The following TMEM63B variants were observed in gnomAD, a reference collection of about 807,000 sequenced individuals.
TMEM63B encodes transmembrane protein 63B, also known as mechanosensitive cation channel TMEM63B.
In TMEM63B, 23 loss-of-function variants were observed where a neutral mutation model predicts 102.6. The ratio of observed to expected loss-of-function variants is 0.22; its 90% confidence interval spans 0.16 to 0.32. The LOEUF (loss-of-function observed/expected upper bound fraction) is 0.32, where lower values mean the gene tolerates loss of function less well. TMEM63B is among the 10% of genes least tolerant of loss of function. TMEM63B has a pLI of 1.00. For synonymous variants in TMEM63B, 444 were observed against 437.0 expected (o/e 1.02, Z -0.20); for missense variants, 628 against 1,095.9 (o/e 0.57, Z 6.03).
At chr6:44,141,325 T>G (rs1341799449) in intron 10 of TMEM63B, among the ~76,000 whole-genome samples, 1 of 152,128 alleles carries the variant, frequency 6.6e-6, no homozygotes, top group Non-Finnish European at 1.5e-5. Context: ...AGTGAGTCAT[T>G]CAAACCCCCT....
chr6:44,139,882 C>T (rs1763879449), intron 8 of TMEM63B, 123 bp downstream of exon 8: 1 of 1,232,646 alleles, frequency 8.1e-7, no homozygotes, highest in South Asian at 1.2e-5. Context: ...GCTATGGGTC[C>T]CTGAGGGCTT....
rs1315278607 is a variant in TMEM63B at position 44,139,754 on chromosome 6, A to G, written c.597A>G (p.Lys199=). The G allele has an allele frequency of 6.2e-7, 1 of 1,614,184 alleles. No individual in the cohort carries two copies. The highest frequency in any genetic ancestry group is 2.2e-5 in the East Asian group (1 of 44,884). Residue 199 remains lysine, a synonymous_variant, in exon 8 of 24, where the codon AAA becomes AAG. Coordinates refer to ENST00000323267, the MANE Select transcript of TMEM63B (RefSeq NM_018426.3). ...GGAGAACCACCATTGCCAACTTGAA[A>G]TCAGGGTAAGATGCGAAGCTGGTCG... ...SFGRTTIANL[K]SGNNLLWLHT...
In TMEM63B at chr6:44,134,566, C is replaced by G. The variant is rs1762564041; in HGVS notation, c.-19C>G. On this transcript the variant is annotated 5_prime_UTR_variant, in exon 2 of 24. Coordinates refer to ENST00000323267, the MANE Select transcript of TMEM63B (RefSeq NM_018426.3). ...CTGCTCCACCCTCTGCCCAGGAGGA[C>G]CATGCGGCAGTAGCAGCCATGCTGC... is the stretch of plus-strand genomic sequence containing the variant. The G allele has an allele frequency of 1.9e-6, 3 of 1,612,752 alleles. No individual in the cohort carries two copies. The highest frequency in any genetic ancestry group is 2.5e-6 in the Non-Finnish European group (3 of 1,179,250).
At chr6:44,141,427 A>G (rs1370321644) in intron 10 of TMEM63B, among the ~76,000 whole-genome samples, 1 of 152,200 alleles carries the variant, frequency 6.6e-6, no homozygotes, top group Non-Finnish European at 1.5e-5. Flanking sequence ...TAAAAGCAGC[A>G]TTCTGGAGTT....
chr6:44,154,615 G>A lies in TMEM63B; in HGVS notation c.2308-77G>A, dbSNP rs1322292703. 3 of 1,495,994 alleles carry A rather than the reference G, an allele frequency of 2.0e-6. No homozygotes were observed. In the African/African-American group the frequency reaches 4.2e-5, roughly 21 times the overall value. 92.7% of individuals were successfully genotyped at this position (1,495,994 alleles called of 1,614,324 possible). On this transcript the variant is annotated intron_variant, in intron 23 of 23. Coordinates refer to ENST00000323267, the MANE Select transcript of TMEM63B (RefSeq NM_018426.3). ...CCCCCAGGGCCCTGCCCACTCTGCT[G>A]TCCTACATGCCCTGGTGTTCCCGCA...
intron 2 of TMEM63B, 102 bp downstream of exon 2, chr6:44,134,845 G>T: frequency 3.3e-6 from 5 of 1,529,242 alleles, no homozygotes; most frequent in Non-Finnish European, 4.4e-6. Flanking sequence ...CGGTTTCCCA[G>T]GCTTAAGCAG....
intron 10 of TMEM63B, among the ~76,000 whole-genome samples, chr6:44,145,274 CAAA>C (rs34315211): frequency 4.7e-5 from 5 of 105,742 alleles, no homozygotes; most frequent in Admixed American, 1.0e-4. Flanking sequence ...GACTCCGCCT[CAAA>C]AAAAAAAAAA....
chr6:44,134,928 A>T, intron 2 of TMEM63B, 89 bp from the exon 3 acceptor site: 3 of 1,545,238 alleles, frequency 1.9e-6, no homozygotes, highest in Non-Finnish European at 2.7e-6. Context: ...CCCTTCTAAG[A>T]CAAGATTTTG....
intron 6 of TMEM63B, among the ~76,000 whole-genome samples, chr6:44,139,189 C>G (rs967823876): frequency 1.3e-5 from 2 of 152,068 alleles, no homozygotes; most frequent in Non-Finnish European, 2.9e-5. Context: ...GCAGTCTCTT[C>G]TTTCTTTTAC....
Position 44,152,320 on chromosome 6 carries a change from C to T in TMEM63B, c.1837-273C>T, listed in dbSNP as rs1373211052. The stretch of plus-strand genomic sequence containing the variant: ...AAGAGGGCTCTGGGCATCCCACTCT[C>T]AAGTCCACCCAACTCTTGCCCCCTA... On this transcript the variant is annotated intron_variant, in intron 19 of 23. Coordinates refer to ENST00000323267, the MANE Select transcript of TMEM63B (RefSeq NM_018426.3). This position sits in a 1 kb window ranked among gnomAD's most constrained non-coding sequence, Gnocchi z 6.4. 1.3e-5 allele frequency among the ~76,000 whole-genome samples: 2 copies of T among 152,048 alleles called. No homozygotes were observed. Among genetic ancestry groups the T allele is most frequent in the African/African-American group, 4.8e-5 (2 of 41,380 alleles).
intron 6 of TMEM63B, chr6:44,138,736 G>GTCCCCCCCCTC: frequency 3.6e-6 from 1 of 280,538 alleles, no homozygotes. Flanking sequence ...CCCCCTGCCG[G>GTCCCCCCCCTC]CCCCCCCGCT....
Position 44,127,589 on chromosome 6 carries a change from C to G in TMEM63B, c.-114C>G, listed in dbSNP as rs1327966199. ...GCGGCCGCCGCAGGAGCCCGGAGCT[C>G]GAGCCGCCCAGCGACTCCCCCTCCC... is the stretch of plus-strand genomic sequence containing the variant. On this transcript the variant is annotated 5_prime_UTR_variant, in exon 1 of 24. Coordinates refer to ENST00000323267, the MANE Select transcript of TMEM63B (RefSeq NM_018426.3). 3 of 139,660 alleles carry G rather than the reference C, an allele frequency of 2.1e-5. No individual in the cohort carries two copies. The highest frequency in any genetic ancestry group is 7.9e-5 in the African/African-American group (3 of 38,022). The allele number at this position is 139,660 out of a possible 1,614,324, so 8.7% of individuals were successfully genotyped here.
intron 18 of TMEM63B, 99 bp from the exon 19 acceptor site, chr6:44,151,747 T>C: frequency 2.2e-6 from 3 of 1,346,390 alleles, no homozygotes; most frequent in South Asian, 1.4e-5. Flanking sequence ...GGAAGAAGCA[T>C]GTTGGTGGTG....
chr6:44,149,241 A>G, intron 15 of TMEM63B: 2 of 482,322 alleles, frequency 4.1e-6, no homozygotes. Flanking sequence ...TCTAACTGAA[A>G]AAATGGAAAG....
At chr6:44,140,228 A>G (rs767895035) in intron 8 of TMEM63B, 24 bp from the exon 9 acceptor site, 11 of 1,598,472 alleles carry the variant, frequency 6.9e-6, no homozygotes, top group East Asian at 4.5e-5. Context: ...AGTGGCTCCC[A>G]TGTATCCTCT....
chr6:44,146,868 A>G lies in TMEM63B; in HGVS notation c.804A>G (p.Thr268=). 1 of 1,614,094 alleles carries G rather than the reference A, an allele frequency of 6.2e-7. No individual in the cohort carries two copies. Among genetic ancestry groups the G allele is most frequent in the Non-Finnish European group, 8.5e-7 (1 of 1,179,970 alleles). Residue 268 remains threonine, a synonymous_variant, in exon 11 of 24, where the codon ACA becomes ACG. Coordinates refer to ENST00000323267, the MANE Select transcript of TMEM63B (RefSeq NM_018426.3). The stretch of plus-strand genomic sequence containing the variant: ...TCAGGGAAGCCTACCCCAACTGCAC[A>G]GTTCTCGAAGCCCGCCCGTGTTACA... The part of the protein sequence containing the change: ...KHFEEAYPNC[T]VLEARPCYNV...
intron 1 of TMEM63B, among the ~76,000 whole-genome samples, chr6:44,134,248 G>A (rs1367089102): frequency 4.6e-5 from 7 of 152,088 alleles, no homozygotes; most frequent in South Asian, 2.1e-4. Context: ...GGTGGCGGCG[G>A]CAGGGGGGAT....
intron 11 of TMEM63B, 98 bp downstream of exon 11, chr6:44,147,025 C>T: frequency 7.4e-7 from 1 of 1,343,568 alleles, no homozygotes; most frequent in Non-Finnish European, 1.1e-6. Flanking sequence ...AGATTTTTTC[C>T]TAGGGCATTT....
rs1389590635 is a variant in TMEM63B, at chr6:44,152,737, G to T, written c.1942+39G>T. ...CGCCGGGACCTGGGCCCTGCTCGGG[G>T]GGACCCAGGACTTCACCCTCTCCAC... On this transcript the variant is annotated intron_variant, in intron 20 of 23. Transcript: ENST00000323267. The surrounding 1 kb of genome is among the most constrained non-coding windows in gnomAD (Gnocchi z 6.4). 6.5e-7 allele frequency: 1 copy of T among 1,535,372 alleles called. No individual in the cohort carries two copies. Among genetic ancestry groups the T allele is most frequent in the African/African-American group, 1.4e-5 (1 of 73,656 alleles).
Sources: allele counts gnomAD v4.1 joint callset (sites outside exome capture counted in the v4.1 genomes callset), GRCh38; gene constraint gnomAD v4.1.1; non-coding constraint Gnocchi (gnomAD v3.1); transcripts MANE v1.5; gene names NCBI Gene and HGNC (gene_info 2026-07-23, HGNC 2026-07-21).